RUNX3: variants seen among roughly 807,000 people sequenced by gnomAD.
RUNX3 encodes the protein RUNX family transcription factor 3, also known as runt-related transcription factor 3.
A neutral mutation model predicts 27.7 loss-of-function variants in RUNX3; 10 were observed. The observed-to-expected ratio is 0.36, with a 90% CI of 0.22 to 0.61. The LOEUF is 0.61. RUNX3 is among the 20% of genes least tolerant of loss of function. The probability of loss-of-function intolerance (pLI) is 0.72; values close to 1 mark genes in which losing one functional copy is unlikely to be tolerated. For synonymous variants in RUNX3, 270 were observed against 269.2 expected (o/e 1.00, Z -0.03); for missense variants, 469 against 629.5 (o/e 0.75, Z 2.73).
At position 24,943,108 on chromosome 1, in the gene RUNX3, G is replaced by C. The variant is rs1007833721; in HGVS notation, c.59-13256C>G. ...GAGCCGGGTGTCATTGATCTTGCCC[G>C]GTGTTCCAGCCACCAGGCGGGACCA... On this transcript the variant is annotated intron_variant, in intron 2 of 6. Transcript: ENST00000338888. This position sits in a 1 kb window ranked among gnomAD's most constrained non-coding sequence, Gnocchi z 4.6. 6.6e-6 allele frequency among the ~76,000 whole-genome samples: 1 copy of C among 152,224 alleles called. No homozygotes were observed. Among genetic ancestry groups the C allele is most frequent in the South Asian group, 2.1e-4 (1 of 4,828 alleles).
intron 4 of RUNX3, among the ~76,000 whole-genome samples, chr1:24,903,865 C>T (rs151127398): frequency 1.4e-4 from 21 of 152,342 alleles, no homozygotes; most frequent in Non-Finnish European, 2.8e-4. Context: ...AACCTCTCTG[C>T]GCATCAGTTT....
chr1:24,923,098 C>G lies in RUNX3; in HGVS notation c.440-3754G>C, dbSNP rs962998926. ...ATTTTGCACACAGGTACTAACGTCC[C>G]GCTCCTGAGAAGTGAGAAGCCCCCA... On this transcript the variant is annotated intron_variant, in intron 2 of 4. Coordinates refer to ENST00000308873, the MANE Select transcript of RUNX3 (RefSeq NM_004350.3). This position sits in a 1 kb window ranked among gnomAD's most constrained non-coding sequence, Gnocchi z 5.9. Among the ~76,000 whole-genome samples, 1 of 152,138 alleles carries G rather than the reference C, an allele frequency of 6.6e-6. No homozygotes were observed. Among genetic ancestry groups the G allele is most frequent in the African/African-American group, 2.4e-5 (1 of 41,398 alleles).
At chr1:24,931,649 G>A (rs1641231479), upstream of RUNX3, among the ~76,000 whole-genome samples, 1 of 152,108 alleles carries the variant, frequency 6.6e-6, no homozygotes, top group South Asian at 2.1e-4. Context: ...AGGATCCGAC[G>A]GTGGCCGCAA....
intron 2 of RUNX3, among the ~76,000 whole-genome samples, chr1:24,950,990 G>C (rs189387742): frequency 2.6e-5 from 4 of 152,074 alleles, no homozygotes; most frequent in Admixed American, 6.6e-5. Context: ...GGTGGATCAC[G>C]AGGTCAGGAG....
At chr1:24,924,429 T>C (rs1036766485) in intron 2 of RUNX3, among the ~76,000 whole-genome samples, 1 of 43,124 alleles carries the variant, frequency 2.3e-5, no homozygotes, top group Non-Finnish European at 7.3e-5. Flanking sequence ...AAAACAAGGG[T>C]TTTTTTTGTA....
Position 24,902,231 on chromosome 1 carries a change from C to G in RUNX3, c.1139G>C (p.Ser380Thr). ...SVAAGNLMNP[S>T]LGGQSDGVEA... ...CACGCCATCACTCTGGCCGCCCAGG[C>G]TGGGGTTCATGAGGTTGCCGGCGGC... The change falls in exon 5 of 5, where the codon AGC becomes ACC. Residue 380 changes from serine (S) to threonine (T), a missense_variant. Ser to Thr is a moderately conservative substitution (Grantham distance 58). This residue lies in a region of RUNX3 where 279 missense variants were observed against 343.0 expected (regional missense o/e 0.81). Transcript: ENST00000308873. This position sits in a 1 kb window ranked among gnomAD's most constrained non-coding sequence, Gnocchi z 9.2. 6.3e-7 allele frequency: 1 copy of G among 1,576,510 alleles called. No homozygotes were observed. Among genetic ancestry groups the G allele is most frequent in the Non-Finnish European group, 8.6e-7 (1 of 1,162,922 alleles).
At chr1:24,905,305 A>C (rs1571301007) in intron 4 of RUNX3, among the ~76,000 whole-genome samples, 1 of 152,162 alleles carries the variant, frequency 6.6e-6, no homozygotes. Flanking sequence ...AGTTTAAGTG[A>C]CTTGTCTAAG....
rs1205629105 is a variant in RUNX3, at chr1:24,962,106, C to T, written c.58+2408G>A. The T allele has an allele frequency of 1.3e-5, 2 of 152,166 alleles. No individual in the cohort carries two copies. Among genetic ancestry groups the T allele is most frequent in the Non-Finnish European group, 2.9e-5 (2 of 68,034 alleles). The allele number at this position is 152,166 out of a possible 1,614,324, so 9.4% of individuals were successfully genotyped here. ...CACCAGTGGAAATCACAGGTGTTCT[C>T]TGGTATCACAGCGGGGTCAGGGATG... is the stretch of plus-strand genomic sequence containing the variant. On this transcript the variant is annotated intron_variant, in intron 2 of 6. Transcript: ENST00000338888. This position sits in a 1 kb window ranked among gnomAD's most constrained non-coding sequence, Gnocchi z 4.5.
At position 24,905,180 on chromosome 1, in the gene RUNX3, G is replaced by A. The variant is rs972301022; in HGVS notation, c.703+2079C>T. 1.2e-4 allele frequency among the ~76,000 whole-genome samples: 19 copies of A among 152,168 alleles called. 1 individual carries two copies. Among genetic ancestry groups the A allele is most frequent in the Non-Finnish European group, 1.9e-4 (13 of 68,032 alleles). ...AAGGGGGATCCCCAGGAGGGAGTCC[G>A]AGGGCAGAGGGAGGAGGGCCTGTGA... On this transcript the variant is annotated intron_variant, in intron 4 of 4. Transcript: ENST00000308873.
In RUNX3 at chr1:24,962,010, T is replaced by C. The variant is rs1368260452; in HGVS notation, c.58+2504A>G. 1 of 152,230 alleles carries C rather than the reference T, an allele frequency of 6.6e-6. No individual in the cohort carries two copies. The highest frequency in any genetic ancestry group is 1.5e-5 in the Non-Finnish European group (1 of 68,054). The allele number at this position is 152,230 out of a possible 1,614,324, so 9.4% of individuals were successfully genotyped here. ...ATTTAGGGGGTCTGTGACACTGGGC[T>C]GGAGATAACCGTGTCTTTCCTTTCC... On this transcript the variant is annotated intron_variant, in intron 2 of 6. Transcript: ENST00000338888. The surrounding 1 kb of genome is among the most constrained non-coding windows in gnomAD (Gnocchi z 4.5).
chr1:24,965,018 A>G (rs762644239), upstream of RUNX3: 1 of 216,502 alleles, frequency 4.6e-6, no homozygotes, highest in African/African-American at 2.3e-5. The surrounding 1 kb of genome is among the most constrained non-coding windows in gnomAD (Gnocchi z 5.4). Context: ...AATGAGGCTT[A>G]CCCTTGACAG....
intron 3 of RUNX3, among the ~76,000 whole-genome samples, chr1:24,914,559 G>A (rs1256962822): frequency 1.3e-5 from 2 of 152,204 alleles, no homozygotes; most frequent in African/African-American, 4.8e-5. Context: ...GGGCAGGGAG[G>A]CGAGCGGTTC....
In RUNX3 at chr1:24,964,772, G is replaced by A. The variant is rs574942721; in HGVS notation, c.-98+64C>T. ...TACGAAAAAGAAAAAAGGAAAGAAC[G>A]CGAGAGTGTGTGTGAGTGAGAGAGA... On this transcript the variant is annotated intron_variant, in intron 1 of 6. Coordinates refer to the RUNX3 transcript ENST00000338888. 1.4e-5 allele frequency: 19 copies of A among 1,343,168 alleles called. 1 individual carries two copies. In the African/African-American group the frequency reaches 1.6e-4, roughly 11 times the overall value. 83.2% of individuals were successfully genotyped at this position (1,343,168 alleles called of 1,614,324 possible).
At chr1:24,955,723 C>G (rs974533837) in intron 2 of RUNX3, among the ~76,000 whole-genome samples, 5 of 152,134 alleles carry the variant, frequency 3.3e-5, no homozygotes, top group Non-Finnish European at 5.9e-5. Flanking sequence ...GTCAGTTTCC[C>G]CATCTATAAA....
intron 2 of RUNX3, among the ~76,000 whole-genome samples, chr1:24,946,445 A>C (rs1641610346): frequency 8.7e-6 from 1 of 114,818 alleles, no homozygotes; most frequent in South Asian, 2.9e-4. Flanking sequence ...GGGGTCCTTT[A>C]AACCTGCTTT....
At chr1:24,930,683 A>G (rs961124880), upstream of RUNX3, among the ~76,000 whole-genome samples, 5 of 151,954 alleles carry the variant, frequency 3.3e-5, no homozygotes, top group African/African-American at 1.2e-4. The surrounding 1 kb of genome is among the most constrained non-coding windows in gnomAD (Gnocchi z 4.1). Flanking sequence ...TGACTTCTGC[A>G]ACCCCGGGCT....
At chr1:24,964,273 G>A (rs185060649) in intron 2 of RUNX3, among the ~76,000 whole-genome samples, 441 of 152,332 alleles carry the variant, frequency 2.9e-3, no homozygotes, top group African/African-American at 0.01. Flanking sequence ...AGGTCTTGGA[G>A]TATCCATCGC....
chr1:24,924,858 A>C (rs1270308688), intron 2 of RUNX3, among the ~76,000 whole-genome samples: 1 of 152,208 alleles, frequency 6.6e-6, no homozygotes, highest in Non-Finnish European at 1.5e-5. Flanking sequence ...CAGGGACCTC[A>C]GCCCTAATCA....
At chr1:24,918,631 G>T (rs1640935391) in intron 3 of RUNX3, among the ~76,000 whole-genome samples, 1 of 152,092 alleles carries the variant, frequency 6.6e-6, no homozygotes, top group African/African-American at 2.4e-5. Flanking sequence ...TGTGGACACA[G>T]AGCCTCAGCC....
Sources: gnomAD v4.1 joint callset for allele counts (sites outside exome capture counted in the v4.1 genomes callset) on GRCh38, gnomAD v4.1.1 for gene constraint, gnomAD v4.1.1 regional missense constraint, Gnocchi (gnomAD v3.1) non-coding constraint, MANE v1.5 for transcripts, NCBI Gene and HGNC (gene_info 2026-07-23, HGNC 2026-07-21) for gene names.